Variants in CCDC102B observed in about 807,000 individuals in gnomAD.
CCDC102B encodes coiled-coil domain-containing protein 102B.
CCDC102B carries 75 observed loss-of-function variants against 57.4 expected under a neutral mutation model. The observed-to-expected ratio is 1.31, with a 90% CI of 1.08 to 1.58. The LOEUF is 1.58. Among genes scored for constraint, CCDC102B ranks in the 40% most tolerant of loss-of-function variants. CCDC102B has a pLI of 0.00. For synonymous variants in CCDC102B, 206 were observed against 201.9 expected (o/e 1.02, Z -0.17); for missense variants, 636 against 582.6 (o/e 1.09, Z -0.94).
At chr18:68,771,869 TACACACACACACACAC>T (rs57733183) in intron 2 of CCDC102B, among the ~76,000 whole-genome samples, 2 of 142,026 alleles carry the variant, frequency 1.4e-5, no homozygotes, top group African/African-American at 2.6e-5. Flanking sequence ...TACTCTGAAA[TACACACACACACACAC>T]ACACACACAC....
intron 2 of CCDC102B, among the ~76,000 whole-genome samples, chr18:68,747,246 C>G (rs2033656193): frequency 6.6e-6 from 1 of 152,006 alleles, no homozygotes; most frequent in Non-Finnish European, 1.5e-5. Flanking sequence ...GCTCCCCTTC[C>G]CATCCTGTCA....
intron 6 of CCDC102B, among the ~76,000 whole-genome samples, chr18:68,931,179 C>T (rs2041661368): frequency 2.0e-5 from 3 of 151,118 alleles, no homozygotes; most frequent in Admixed American, 6.6e-5. Context: ...TTGTATTGAC[C>T]AGAGAAATTT....
At chr18:68,780,827 T>C (rs2034982508) in intron 2 of CCDC102B, among the ~76,000 whole-genome samples, 1 of 152,150 alleles carries the variant, frequency 6.6e-6, no homozygotes, top group Non-Finnish European at 1.5e-5. Flanking sequence ...TCAACTTTCC[T>C]ATCCTTCTGT....
chr18:69,049,530 T>C (rs571887161), intron 7 of CCDC102B, among the ~76,000 whole-genome samples: 4 of 151,970 alleles, frequency 2.6e-5, no homozygotes, highest in Non-Finnish European at 2.9e-5. Context: ...AAATATTCAA[T>C]TGGAAGAATA....
At chr18:68,853,660 A>G (rs1351787240) in intron 4 of CCDC102B, among the ~76,000 whole-genome samples, 1 of 132,458 alleles carries the variant, frequency 7.5e-6, no homozygotes, top group Non-Finnish European at 1.5e-5. Context: ...ATTTTTCTTT[A>G]TCCCCAAATT....
chr18:68,850,848 C>G (rs903015277), intron 4 of CCDC102B, among the ~76,000 whole-genome samples: 5 of 152,110 alleles, frequency 3.3e-5, no homozygotes, highest in African/African-American at 1.2e-4. Flanking sequence ...ACCTCTTTCC[C>G]CTCCTACACC....
chr18:68,723,786 G>A (rs747235179), intron 2 of CCDC102B, among the ~76,000 whole-genome samples: 4 of 152,164 alleles, frequency 2.6e-5, no homozygotes, highest in African/African-American at 7.2e-5. Flanking sequence ...TTCCAGCTGC[G>A]TGGTACATGC....
intron 2 of CCDC102B, among the ~76,000 whole-genome samples, chr18:68,750,228 CA>C (rs1436081873): frequency 2.2e-4 from 33 of 152,268 alleles, no homozygotes; most frequent in African/African-American, 5.8e-4. Flanking sequence ...AAATGCAAAT[CA>C]AAACCACAAT....
chr18:68,720,720 T>G (rs894258399), intron 2 of CCDC102B, among the ~76,000 whole-genome samples: 5 of 138,044 alleles, frequency 3.6e-5, no homozygotes, highest in Admixed American at 2.8e-4. Context: ...CCGGTGAGTC[T>G]TTTTTAGCAA....
intron 1 of CCDC102B, among the ~76,000 whole-genome samples, chr18:68,827,886 A>T (rs961028299): frequency 3.9e-5 from 6 of 152,004 alleles, no homozygotes; most frequent in African/African-American, 9.7e-5. Flanking sequence ...AGTAGTTTTT[A>T]AAAAATACCT....
At chr18:68,855,391 T>G (rs1599572434) in intron 4 of CCDC102B, among the ~76,000 whole-genome samples, 1 of 152,174 alleles carries the variant, frequency 6.6e-6, no homozygotes, top group African/African-American at 2.4e-5. Flanking sequence ...GATTTAAAAT[T>G]TAGTTAGAAG....
chr18:69,000,075 GTTTC>G (rs2051160808), intron 6 of CCDC102B, among the ~76,000 whole-genome samples: 2 of 152,084 alleles, frequency 1.3e-5, no homozygotes, highest in Admixed American at 1.3e-4. Context: ...TATTACCTAT[GTTTC>G]TTTCTAAGTC....
chr18:68,813,176 C>T (rs1456170381), intron 1 of CCDC102B, among the ~76,000 whole-genome samples: 2 of 151,966 alleles, frequency 1.3e-5, no homozygotes, highest in Admixed American at 1.3e-4. Context: ...TATGGCATTT[C>T]CCACTTCTCT....
chr18:68,857,145 T>G (rs6566393), intron 4 of CCDC102B, among the ~76,000 whole-genome samples: 6 of 11,394 alleles, frequency 5.3e-4, no homozygotes, highest in Non-Finnish European at 9.8e-4. Context: ...ATATTATATA[T>G]AAATATATTT....
intron 6 of CCDC102B, among the ~76,000 whole-genome samples, chr18:68,980,881 G>T (rs1306320692): frequency 6.6e-6 from 1 of 152,022 alleles, no homozygotes; most frequent in Non-Finnish European, 1.5e-5. Flanking sequence ...TGAGATAAAG[G>T]GGGAGTATGG....
chr18:68,970,143 T>G (rs1470174252), intron 6 of CCDC102B, among the ~76,000 whole-genome samples: 1 of 152,056 alleles, frequency 6.6e-6, no homozygotes, highest in East Asian at 1.9e-4. Flanking sequence ...TTAGCAACTA[T>G]GCTGTCAAAA....
chr18:69,049,308 G>A (rs550445634), intron 7 of CCDC102B, among the ~76,000 whole-genome samples: 192 of 152,140 alleles, frequency 1.3e-3, no homozygotes, highest in Non-Finnish European at 2.6e-3. Flanking sequence ...TTCTGTTCCT[G>A]TGTTAGTTTG....
intron 2 of CCDC102B, among the ~76,000 whole-genome samples, chr18:68,767,079 A>T (rs182643184): frequency 1.3e-5 from 2 of 152,200 alleles, no homozygotes; most frequent in African/African-American, 2.4e-5. Flanking sequence ...TGAAGGTAGT[A>T]TTTTCTCTTA....
At chr18:68,876,876 T>A (rs922929699) in intron 5 of CCDC102B, among the ~76,000 whole-genome samples, 1 of 152,188 alleles carries the variant, frequency 6.6e-6, no homozygotes, top group Non-Finnish European at 1.5e-5. Context: ...GTCATTTAGA[T>A]AAATACAAGT....
Sources: allele counts gnomAD v4.1 joint callset (sites outside exome capture counted in the v4.1 genomes callset), GRCh38; gene constraint gnomAD v4.1.1; transcripts MANE v1.5; gene names NCBI Gene and HGNC (gene_info 2026-07-23, HGNC 2026-07-21).